The following IQGAP2 variants were observed in gnomAD, a reference collection of about 807,000 sequenced individuals.
IQGAP2 encodes the protein ras GTPase-activating-like protein IQGAP2.
In IQGAP2, 173 loss-of-function variants were observed where a neutral mutation model predicts 201.3. The ratio of observed to expected loss-of-function variants is 0.86; its 90% CI spans 0.76 to 0.98. The LOEUF (loss-of-function observed/expected upper bound fraction) is 0.98, where lower values mean the gene tolerates loss of function less well. IQGAP2 is among the 50% of genes least tolerant of loss of function. IQGAP2 has a pLI of 0.00. For missense variants in IQGAP2, 1,687 were observed against 1,864.8 expected (o/e 0.90, Z 1.76); for synonymous variants, 675 against 673.9 (o/e 1.00, Z -0.03).
intron 2 of IQGAP2, among the ~76,000 whole-genome samples, chr5:76,558,691 CACAGCCGTTAGA>C (rs1744115996): frequency 6.6e-6 from 1 of 152,170 alleles, no homozygotes; most frequent in Admixed American, 6.5e-5. Context: ...CTTCCAGTTT[CACAGCCGTTAGA>C]ATGTTAGAGC....
At chr5:76,556,513 C>T (rs1202418309) in intron 2 of IQGAP2, among the ~76,000 whole-genome samples, 1 of 152,130 alleles carries the variant, frequency 6.6e-6, no homozygotes, top group Non-Finnish European at 1.5e-5. Flanking sequence ...TATCTGCCTG[C>T]GTGATTTCTT....
At chr5:76,480,791 T>C (rs770818607) in intron 2 of IQGAP2, among the ~76,000 whole-genome samples, 6 of 151,144 alleles carry the variant, frequency 4.0e-5, no homozygotes, top group Admixed American at 3.3e-4. Flanking sequence ...TGTGCATCCC[T>C]GGGCACACAG....
chr5:76,460,889 A>T (rs1185289469), intron 1 of IQGAP2, among the ~76,000 whole-genome samples: 2 of 128,836 alleles, frequency 1.6e-5, no homozygotes, highest in African/African-American at 6.1e-5. Context: ...TTTTTCCCTG[A>T]GACTGAGTCT....
intron 1 of IQGAP2, among the ~76,000 whole-genome samples, chr5:76,405,947 C>T (rs576877340): frequency 3.3e-5 from 5 of 152,328 alleles, no homozygotes; most frequent in Non-Finnish European, 5.9e-5. Flanking sequence ...AATTTCAGTT[C>T]TAGTGCTGAA....
chr5:76,697,430 G>C (rs901706971), intron 32 of IQGAP2, among the ~76,000 whole-genome samples: 4 of 152,158 alleles, frequency 2.6e-5, no homozygotes, highest in African/African-American at 9.7e-5. Flanking sequence ...GATCACTTGA[G>C]GTCAGGAGTT....
At chr5:76,584,617 C>G (rs138520013) in intron 5 of IQGAP2, among the ~76,000 whole-genome samples, 1 of 151,858 alleles carries the variant, frequency 6.6e-6, no homozygotes, top group Non-Finnish European at 1.5e-5. Context: ...ATGCTGATAG[C>G]GGGATAGCAT....
chr5:76,597,712 C>G, intron 10 of IQGAP2, 110 bp downstream of exon 10: 1 of 1,162,690 alleles, frequency 8.6e-7, no homozygotes, highest in Non-Finnish European at 1.2e-6. Context: ...CTAATTTGTA[C>G]CAGTCCTGGT....
At chr5:76,447,522 C>A (rs953711395) in intron 1 of IQGAP2, among the ~76,000 whole-genome samples, 1 of 152,182 alleles carries the variant, frequency 6.6e-6, no homozygotes, top group Non-Finnish European at 1.5e-5. Context: ...TAGCCACGTC[C>A]GTCGAGAGCT....
chr5:76,482,137 TGC>T (rs1290979298), intron 2 of IQGAP2, among the ~76,000 whole-genome samples: 1 of 152,200 alleles, frequency 6.6e-6, no homozygotes, highest in Non-Finnish European at 1.5e-5. Flanking sequence ...GCGCATGGGA[TGC>T]ATTCTTTTTC....
At chr5:76,434,099 A>C (rs1333123994) in intron 1 of IQGAP2, among the ~76,000 whole-genome samples, 1 of 152,320 alleles carries the variant, frequency 6.6e-6, no homozygotes, top group East Asian at 1.9e-4. Flanking sequence ...TCAATTTGCC[A>C]CCGTATTCTC....
intron 8 of IQGAP2, among the ~76,000 whole-genome samples, chr5:76,590,949 T>A (rs939059453): frequency 1.3e-5 from 2 of 151,712 alleles, no homozygotes; most frequent in Non-Finnish European, 2.9e-5. Context: ...AATAAAAAAT[T>A]AGCTGGGCTT....
intron 2 of IQGAP2, among the ~76,000 whole-genome samples, chr5:76,540,642 A>C (rs1742698001): frequency 6.6e-6 from 1 of 152,186 alleles, no homozygotes; most frequent in African/African-American, 2.4e-5. Context: ...AGAAGAAAAG[A>C]CCAATTTGAG....
At chr5:76,512,851 T>G (rs938301904) in intron 2 of IQGAP2, among the ~76,000 whole-genome samples, 9 of 152,158 alleles carry the variant, frequency 5.9e-5, no homozygotes, top group African/African-American at 2.2e-4. Flanking sequence ...GGTCAGTAGT[T>G]CGAGACCAGC....
At chr5:76,491,408 T>G (rs1400679038) in intron 2 of IQGAP2, among the ~76,000 whole-genome samples, 1 of 152,154 alleles carries the variant, frequency 6.6e-6, no homozygotes, top group Non-Finnish European at 1.5e-5. Context: ...TTGGTAACAG[T>G]GTTACAGTTT....
At chr5:76,592,388 A>T (rs1746720804) in intron 8 of IQGAP2, among the ~76,000 whole-genome samples, 3 of 152,182 alleles carry the variant, frequency 2.0e-5, no homozygotes, top group Non-Finnish European at 4.4e-5. Flanking sequence ...CTCATTGATT[A>T]TGATCTCTTT....
At chr5:76,515,515 G>GC (rs1474484106) in intron 2 of IQGAP2, among the ~76,000 whole-genome samples, 1 of 152,174 alleles carries the variant, frequency 6.6e-6, no homozygotes, top group Non-Finnish European at 1.5e-5. Flanking sequence ...ATTGCCTCTA[G>GC]CATTTAAGAG....
intron 1 of IQGAP2, among the ~76,000 whole-genome samples, chr5:76,406,939 G>C (rs1320432503): frequency 6.6e-6 from 1 of 152,110 alleles, no homozygotes; most frequent in East Asian, 1.9e-4. Context: ...CATGTTGTGG[G>C]GGCGGGGAAG....
At chr5:76,566,716 T>C (rs1744776500) in intron 3 of IQGAP2, among the ~76,000 whole-genome samples, 1 of 151,994 alleles carries the variant, frequency 6.6e-6, no homozygotes. Flanking sequence ...GGCAGTGACC[T>C]GCACAGACAA....
At chr5:76,513,004 G>A (rs998555058) in intron 2 of IQGAP2, among the ~76,000 whole-genome samples, 5 of 151,736 alleles carry the variant, frequency 3.3e-5, no homozygotes, top group Admixed American at 6.6e-5. Context: ...GCAGTGAGCT[G>A]AGATTGTGCC....
Sources: allele counts gnomAD v4.1 joint callset (sites outside exome capture counted in the v4.1 genomes callset), GRCh38; gene constraint gnomAD v4.1.1; transcripts MANE v1.5; gene names NCBI Gene and HGNC (gene_info 2026-07-23, HGNC 2026-07-21).